AGTPBP1: variants seen among roughly 807,000 people sequenced by gnomAD.
AGTPBP1 encodes cytosolic carboxypeptidase 1.
AGTPBP1 carries 70 observed loss-of-function variants against 143.9 expected under a neutral mutation model. That is an observed-to-expected ratio of 0.49 (90% CI 0.40 to 0.59). AGTPBP1 has a LOEUF of 0.59. Ranked by LOEUF, AGTPBP1 falls within the 20% of genes least tolerant of loss-of-function variation. AGTPBP1 has a pLI of 0.00. For missense variants in AGTPBP1, 1,229 were observed against 1,464.5 expected (o/e 0.84, Z 2.62); for synonymous variants, 463 against 500.2 (o/e 0.93, Z 0.99).
At chr9:85,737,849 A>G (rs1823906157) in intron 1 of AGTPBP1, among the ~76,000 whole-genome samples, 1 of 152,210 alleles carries the variant, frequency 6.6e-6, no homozygotes, top group South Asian at 2.1e-4. Context: ...GGAAAAGGCT[A>G]TTAAAATGCT....
chr9:85,718,563 A>C (rs1219461867), intron 1 of AGTPBP1, among the ~76,000 whole-genome samples: 2 of 152,122 alleles, frequency 1.3e-5, no homozygotes, highest in East Asian at 3.9e-4. Context: ...TAGATTCTGA[A>C]TATTAGCCCT....
the AGTPBP1 span, among the ~76,000 whole-genome samples, chr9:85,783,247 G>A: frequency 1.1e-4 from 16 of 152,134 alleles, no homozygotes; most frequent in Non-Finnish European, 2.4e-4. Flanking sequence ...TGATAATAAC[G>A]TTGGAGATAC....
chr9:85,584,417 T>C (rs970544944), intron 23 of AGTPBP1, among the ~76,000 whole-genome samples: 1 of 152,158 alleles, frequency 6.6e-6, no homozygotes, highest in African/African-American at 2.4e-5. Context: ...GCAAGAATGT[T>C]TTCCAGTAGC....
intron 7 of AGTPBP1, 97 bp downstream of exon 7, chr9:85,672,453 T>C: frequency 7.4e-7 from 1 of 1,354,082 alleles, no homozygotes; most frequent in African/African-American, 1.5e-5. Context: ...CTTTCCTTTT[T>C]CACAAATATC....
intron 17 of AGTPBP1, among the ~76,000 whole-genome samples, chr9:85,615,166 C>T (rs1010524395): frequency 2.0e-5 from 3 of 151,944 alleles, no homozygotes; most frequent in Non-Finnish European, 2.9e-5. Flanking sequence ...AAAATAAATC[C>T]GGATGGATGC....
intron 1 of AGTPBP1, among the ~76,000 whole-genome samples, chr9:85,732,555 T>C (rs1408512232): frequency 1.3e-5 from 2 of 152,014 alleles, no homozygotes; most frequent in Admixed American, 6.6e-5. Flanking sequence ...AATCAAAATA[T>C]ATAAAATATG....
chr9:85,730,100 A>G (rs1204765582), intron 1 of AGTPBP1, among the ~76,000 whole-genome samples: 1 of 152,182 alleles, frequency 6.6e-6, no homozygotes, highest in Non-Finnish European at 1.5e-5. Flanking sequence ...GCAATTTCAC[A>G]ATTAGACCAG....
chr9:85,560,686 G>GTCAGATAACACCCAGTTAAAGAAAGT (rs1217426625), intron 25 of AGTPBP1, among the ~76,000 whole-genome samples: 104 of 152,192 alleles, frequency 6.8e-4, no homozygotes, highest in Middle Eastern at 3.4e-3. Flanking sequence ...TAAATTTAAT[G>GTCAGATAACACCCAGTTAAAGAAAGT]TCAGATAACA....
At chr9:85,597,491 C>T (rs1829371620) in intron 17 of AGTPBP1, among the ~76,000 whole-genome samples, 2 of 151,982 alleles carry the variant, frequency 1.3e-5, no homozygotes, top group Admixed American at 6.6e-5. Flanking sequence ...AATGTTTTGC[C>T]ATTCCATGTA....
chr9:85,702,649 G>C (rs962583064), intron 2 of AGTPBP1, among the ~76,000 whole-genome samples: 8 of 147,418 alleles, frequency 5.4e-5, no homozygotes, highest in African/African-American at 2.0e-4. Flanking sequence ...ACGACTCTCT[G>C]TCTCTCTCTC....
intron 14 of AGTPBP1, among the ~76,000 whole-genome samples, chr9:85,627,665 C>T (rs1189573664): frequency 6.6e-6 from 1 of 152,146 alleles, no homozygotes; most frequent in African/African-American, 2.4e-5. Context: ...TTCCCCTTTG[C>T]CCCTGCTGAG....
intron 14 of AGTPBP1, among the ~76,000 whole-genome samples, chr9:85,623,756 C>CAAAA (rs529304682): frequency 1.2e-5 from 1 of 83,908 alleles, no homozygotes; most frequent in South Asian, 3.9e-4. Context: ...GACTCTGTCT[C>CAAAA]AAAAAAAAAA....
intron 17 of AGTPBP1, among the ~76,000 whole-genome samples, chr9:85,601,715 G>A (rs569283599): frequency 5.3e-5 from 8 of 152,296 alleles, no homozygotes; most frequent in Non-Finnish European, 8.8e-5. Context: ...GCCAGCATCT[G>A]AGAAAGTTGC....
the AGTPBP1 span, among the ~76,000 whole-genome samples, chr9:85,759,421 C>T: frequency 6.6e-6 from 1 of 152,102 alleles, no homozygotes; most frequent in Non-Finnish European, 1.5e-5. Flanking sequence ...AACAAACTGT[C>T]TCTCAGACCA....
At chr9:85,659,705 G>A (rs1006140484) in intron 9 of AGTPBP1, among the ~76,000 whole-genome samples, 20 of 152,198 alleles carry the variant, frequency 1.3e-4, no homozygotes, top group African/African-American at 4.3e-4. Flanking sequence ...TTCACTATCA[G>A]TGATCCTGAA....
chr9:85,577,785 C>T (rs538598847), intron 24 of AGTPBP1, among the ~76,000 whole-genome samples: 1 of 152,284 alleles, frequency 6.6e-6, no homozygotes, highest in South Asian at 2.1e-4. Context: ...GTAAGTTCTA[C>T]TTTACTTAAA....
At chr9:85,790,954 T>C in the AGTPBP1 span, among the ~76,000 whole-genome samples, 1 of 152,214 alleles carries the variant, frequency 6.6e-6, no homozygotes, top group Non-Finnish European at 1.5e-5. Context: ...TTAATAATTA[T>C]ATAACTAAAG....
the AGTPBP1 span, among the ~76,000 whole-genome samples, chr9:85,776,425 G>C: frequency 6.6e-6 from 1 of 152,110 alleles, no homozygotes; most frequent in Non-Finnish European, 1.5e-5. Context: ...TTTTCTCCTA[G>C]TGGAGTGACC....
At chr9:85,675,642 A>C (rs1478300283) in intron 6 of AGTPBP1, among the ~76,000 whole-genome samples, 2 of 152,194 alleles carry the variant, frequency 1.3e-5, no homozygotes, top group African/African-American at 4.8e-5. Flanking sequence ...CACACTTGTG[A>C]CCCAAAACTT....
Sources: gnomAD v4.1 joint callset for allele counts (sites outside exome capture counted in the v4.1 genomes callset) on GRCh38, gnomAD v4.1.1 for gene constraint, MANE v1.5 for transcripts, NCBI Gene and HGNC (gene_info 2026-07-23, HGNC 2026-07-21) for gene names.